The following HAUS1 variants were observed in gnomAD, a reference collection of about 807,000 sequenced individuals.
The protein encoded by HAUS1 is HAUS augmin-like complex subunit 1.
A neutral mutation model predicts 38.6 loss-of-function variants in HAUS1; 25 were observed. The observed-to-expected ratio is 0.65, with a 90% CI of 0.47 to 0.91. The LOEUF (loss-of-function observed/expected upper bound fraction) is 0.91. Among genes scored for constraint, HAUS1 ranks in the 40% least tolerant of loss-of-function variants. The probability of loss-of-function intolerance (pLI) is 0.00; values close to 1 mark genes in which losing one functional copy is unlikely to be tolerated. For synonymous variants in HAUS1, 109 were observed against 112.9 expected (o/e 0.97, Z 0.22); for missense variants, 325 against 328.4 (o/e 0.99, Z 0.08).
rs532674501 is a variant in HAUS1 at position 46,114,627 on chromosome 18, G to T, written c.206-3554G>T. Among the ~76,000 whole-genome samples the T allele has an allele frequency of 3.9e-5, 6 of 152,226 alleles. No homozygotes were observed. The South Asian group carries it at 1.2e-3, about 32-fold the overall frequency. ...CAGACACACCTCTCAACCACATCCC[G>T]CTGGGACTTGGACGCAGTAGCAGAT... On this transcript the variant is annotated intron_variant, in intron 2 of 8. Coordinates refer to ENST00000282058, the MANE Select transcript of HAUS1 (RefSeq NM_138443.4).
intron 2 of HAUS1, among the ~76,000 whole-genome samples, chr18:46,110,112 A>G (rs902650116): frequency 1.2e-4 from 17 of 141,490 alleles, no homozygotes; most frequent in African/African-American, 3.4e-4. Flanking sequence ...CTAGCAACAG[A>G]TTCTCTGTGG....
At chr18:46,104,919 C>G (rs1911417537) in intron 1 of HAUS1, among the ~76,000 whole-genome samples, 1 of 152,024 alleles carries the variant, frequency 6.6e-6, no homozygotes, top group East Asian at 1.9e-4. Context: ...GTTTTTCAAG[C>G]GAGGCAAATT....
rs112153271 is a variant in HAUS1, at chr18:46,111,901, T to A, written c.206-6280T>A. Reference sequence around the variant, plus strand: ...TTTTCTTTTCTTTTTTTTTTTTTTTTATGAGATGGAGTCTTGCCCTGTTGC... The same window carrying A: ...TTTTCTTTTCTTTTTTTTTTTTTTTAATGAGATGGAGTCTTGCCCTGTTGC... On this transcript the variant is annotated intron_variant, in intron 2 of 8. Coordinates refer to ENST00000282058, the MANE Select transcript of HAUS1 (RefSeq NM_138443.4). Among the ~76,000 whole-genome samples, 10 of 144,562 alleles carry A rather than the reference T, an allele frequency of 6.9e-5. 1 individual carries two copies. Among genetic ancestry groups the A allele is most frequent in the Middle Eastern group, 3.5e-3 (1 of 284 alleles). 94.8% of individuals were successfully genotyped at this position (144,562 alleles called of 152,430 possible).
At chr18:46,106,341 C>T (rs1330127217) in intron 2 of HAUS1, among the ~76,000 whole-genome samples, 3 of 151,906 alleles carry the variant, frequency 2.0e-5, no homozygotes, top group Non-Finnish European at 4.4e-5. Context: ...TGGTGGCGGG[C>T]GCCTGTAGTT....
chr18:46,117,225 T>C (rs955299942), intron 2 of HAUS1, among the ~76,000 whole-genome samples: 2 of 152,166 alleles, frequency 1.3e-5, no homozygotes, highest in African/African-American at 4.8e-5. Context: ...AAACCTAACA[T>C]TTACTGAATA....
Position 46,112,127 on chromosome 18 carries a change from C to T in HAUS1, c.206-6054C>T, listed in dbSNP as rs542720720. Among the ~76,000 whole-genome samples, 87 of 149,402 alleles carry T rather than the reference C, an allele frequency of 5.8e-4. 2 individuals carry two copies. The highest frequency in any genetic ancestry group is 1.6e-3 in the African/African-American group (65 of 40,894). ...GTCTCGATCTCCTGACCTCGTGATC[C>T]GCCAGCTTTGGCTTCCCAAAGTGCT... On this transcript the variant is annotated intron_variant, in intron 2 of 8. Transcript: ENST00000282058.
chr18:46,119,298 G>A (rs1911875064), intron 3 of HAUS1, among the ~76,000 whole-genome samples: 1 of 152,096 alleles, frequency 6.6e-6, no homozygotes, highest in African/African-American at 2.4e-5. Context: ...CATCCCTACT[G>A]TATGGCAGCA....
At chr18:46,110,333 GTTTT>G (rs71160713) in intron 2 of HAUS1, among the ~76,000 whole-genome samples, 155 of 50,000 alleles carry the variant, frequency 3.1e-3, no homozygotes, top group African/African-American at 0.013. Context: ...TTTTTTTAAG[GTTTT>G]TTTTTTTTTT....
chr18:46,124,563 G>C (rs1189498975), intron 6 of HAUS1, among the ~76,000 whole-genome samples: 1 of 151,834 alleles, frequency 6.6e-6, no homozygotes, highest in Non-Finnish European at 1.5e-5. Context: ...TCCAGCCTGG[G>C]CAACACAGAA....
In HAUS1 at chr18:46,111,063, A is replaced by T. The variant is rs140176088; in HGVS notation, c.205+5695A>T. Among the ~76,000 whole-genome samples the T allele has an allele frequency of 1.3e-4, 19 of 151,778 alleles. No homozygotes were observed. In the East Asian group the frequency reaches 3.7e-3, roughly 30 times the overall value. On this transcript the variant is annotated intron_variant, in intron 2 of 8. Transcript: ENST00000282058. ...GGCTAATGTTTTGTATTTTTAGTAG[A>T]AACAGGGTTTCTCCGTGTTAGCCAG...
At chr18:46,114,358 T>C (rs984620480) in intron 2 of HAUS1, among the ~76,000 whole-genome samples, 9 of 152,214 alleles carry the variant, frequency 5.9e-5, no homozygotes, top group Non-Finnish European at 1.2e-4. Flanking sequence ...AGGCAAAATC[T>C]CTGAACCCAG....
rs1194438658 is a variant in HAUS1 at position 46,124,828 on chromosome 18, G to A, written c.673G>A (p.Ala225Thr). 14 of 1,595,362 alleles carry A rather than the reference G, an allele frequency of 8.8e-6. No individual in the cohort carries two copies. The highest frequency in any genetic ancestry group is 1.2e-5 in the Non-Finnish European group (14 of 1,164,910). ...QSLVALSEKL[A>T]RLKQQTIPLK... ...TGTGTTCTTTTACCCCCAGAAACTG[G>A]CAAGATTAAAGCAACAGACTATACC... Residue 225 changes from alanine (A) to threonine (T), a missense_variant, in exon 7 of 9, where the codon GCA becomes ACA. By Grantham distance (58) the Ala-to-Thr change is moderately conservative (BLOSUM62 0). Coordinates refer to ENST00000282058, the MANE Select transcript of HAUS1 (RefSeq NM_138443.4).
chr18:46,125,486 G>T (rs934319648), intron 7 of HAUS1, among the ~76,000 whole-genome samples: 7 of 150,778 alleles, frequency 4.6e-5, no homozygotes, highest in Admixed American at 3.3e-4. Flanking sequence ...GGCAGAGGCT[G>T]CAGTGAGCTG....
intron 2 of HAUS1, among the ~76,000 whole-genome samples, chr18:46,113,901 G>A (rs1224522004): frequency 6.6e-6 from 1 of 152,134 alleles, no homozygotes; most frequent in Non-Finnish European, 1.5e-5. Context: ...GATGTTATCA[G>A]CTCCTCAGGG....
In HAUS1 at chr18:46,112,985, TAATATATATTCCATATATATGG is replaced by T. The variant is rs1268744817; in HGVS notation, c.206-5186_206-5165del. Among the ~76,000 whole-genome samples, 241 of 40,508 alleles carry T rather than the reference TAATATATATTCCATATATATGG, an allele frequency of 5.9e-3. 8 individuals carry two copies. Among genetic ancestry groups the T allele is most frequent in the African/African-American group, 0.027 (225 of 8,272 alleles). 26.6% of individuals were successfully genotyped at this position (40,508 alleles called of 152,430 possible). A position where few individuals can be genotyped will look rare whatever the true frequency, so the allele number is the denominator to read the frequency against. On this transcript the variant is annotated intron_variant, in intron 2 of 8. Transcript: ENST00000282058. ...ATGTATATATTCCATATTATATATA[TAATATATATTCCATATATATGG>T]AATATATATATTCCATATTATATAT...
chr18:46,110,340 T>TTTG (rs1911591429), intron 2 of HAUS1, among the ~76,000 whole-genome samples: 2 of 121,106 alleles, frequency 1.7e-5, no homozygotes. Flanking sequence ...AAGGTTTTTT[T>TTTG]TTTTTTTTTT....
chr18:46,125,730 A>AT lies in HAUS1; in HGVS notation c.739-5dup, dbSNP rs575576690. The AT allele has an allele frequency of 7.9e-4, 1,223 of 1,550,886 alleles. 1 individual carries two copies. Among genetic ancestry groups the AT allele is most frequent in the African/African-American group, 5.3e-3 (389 of 73,324 alleles). ...AGGCAATATAACCTTTCCTTGTTTT[A>AT]TTTTTTTTTAAAGAATCCGTCTCTT... On this transcript the variant is annotated splice_polypyrimidine_tract_variant and intron_variant, in intron 7 of 8. Coordinates refer to ENST00000282058, the MANE Select transcript of HAUS1 (RefSeq NM_138443.4).
intron 1 of HAUS1, 88 bp downstream of exon 1, chr18:46,104,529 A>G: frequency 8.6e-7 from 1 of 1,158,508 alleles, no homozygotes; most frequent in Non-Finnish European, 1.2e-6. Context: ...TGTGCGCGCC[A>G]CGTCTACTTT....
intron 2 of HAUS1, among the ~76,000 whole-genome samples, chr18:46,114,366 C>T (rs1275464641): frequency 1.3e-5 from 2 of 152,172 alleles, no homozygotes; most frequent in Admixed American, 6.5e-5. Context: ...TCTCTGAACC[C>T]AGCCTCTGGA....
Sources: gnomAD v4.1 joint callset for allele counts (sites outside exome capture counted in the v4.1 genomes callset) on GRCh38, gnomAD v4.1.1 for gene constraint, MANE v1.5 for transcripts, NCBI Gene and HGNC (gene_info 2026-07-23, HGNC 2026-07-21) for gene names.